The following TMCC3 variants were observed in gnomAD, a reference collection of about 807,000 sequenced individuals.
TMCC3 encodes transmembrane and coiled-coil domain protein 3.
TMCC3 carries 28 observed loss-of-function variants against 40.2 expected under a neutral mutation model. That is an observed-to-expected ratio of 0.70 (90% CI 0.52 to 0.95). The LOEUF (loss-of-function observed/expected upper bound fraction) is 0.95. Among genes scored for constraint, TMCC3 ranks in the 40% least tolerant of loss-of-function variants. The probability of loss-of-function intolerance (pLI) is 0.00; values close to 1 mark genes in which losing one functional copy is unlikely to be tolerated. For synonymous variants in TMCC3, 255 were observed against 248.5 expected (o/e 1.03, Z -0.25); for missense variants, 554 against 615.2 (o/e 0.90, Z 1.05).
intron 1 of TMCC3, among the ~76,000 whole-genome samples, chr12:94,641,186 C>A (rs181039328): frequency 1.1e-3 from 163 of 147,618 alleles, no homozygotes; most frequent in African/African-American, 3.8e-3. Context: ...GGTGACAGAC[C>A]CAGACCCTGT....
At chr12:94,620,722 A>G (rs1187058174) in intron 1 of TMCC3, among the ~76,000 whole-genome samples, 4 of 152,228 alleles carry the variant, frequency 2.6e-5, no homozygotes, top group Admixed American at 2.6e-4. Flanking sequence ...ACGAACTAGA[A>G]AAACTAGGCA....
intron 1 of TMCC3, among the ~76,000 whole-genome samples, chr12:94,588,855 ACT>A (rs2068654210): frequency 6.9e-6 from 1 of 144,966 alleles, no homozygotes; most frequent in Non-Finnish European, 1.5e-5. Flanking sequence ...AGACAGTCTC[ACT>A]CTGTCACCCA....
chr12:94,607,225 T>C (rs1279543559), intron 1 of TMCC3, among the ~76,000 whole-genome samples: 2 of 152,254 alleles, frequency 1.3e-5, no homozygotes, highest in Non-Finnish European at 2.9e-5. Context: ...TCTTCCCTTA[T>C]TCCCTGAAAA....
chr12:94,618,003 CAA>C (rs1215004703), intron 1 of TMCC3, among the ~76,000 whole-genome samples: 1 of 152,132 alleles, frequency 6.6e-6, no homozygotes, highest in Admixed American at 6.5e-5. Context: ...TGCCTTAAAC[CAA>C]ATGTTAAGTC....
chr12:94,617,109 AC>A (rs1347599235), intron 1 of TMCC3, among the ~76,000 whole-genome samples: 10 of 151,884 alleles, frequency 6.6e-5, no homozygotes, highest in Non-Finnish European at 1.5e-4. Flanking sequence ...GTCAAGGAAA[AC>A]CCCACTTCTG....
chr12:94,627,253 C>T, intron 1 of TMCC3, among the ~76,000 whole-genome samples: 1 of 152,104 alleles, frequency 6.6e-6, no homozygotes, highest in Non-Finnish European at 1.5e-5. Flanking sequence ...AGGCCTGTTG[C>T]CCCCAAAGCC....
In TMCC3 at chr12:94,578,643, G is replaced by T. The variant is rs906639919; in HGVS notation, c.996-114C>A. On this transcript the variant is annotated intron_variant, in intron 2 of 3. Coordinates refer to ENST00000261226, the MANE Select transcript of TMCC3 (RefSeq NM_020698.4). ...TTGGCTTGCTCTCATTCCCTGATGG[G>T]CTGTTTTTCTAAAAGAGTAAGGCTA... is the stretch of plus-strand genomic sequence containing the variant. 5 of 1,182,692 alleles carry T rather than the reference G, an allele frequency of 4.2e-6. No individual in the cohort carries two copies. In the African/African-American group the frequency reaches 4.6e-5, roughly 11 times the overall value. 73.3% of individuals were successfully genotyped at this position (1,182,692 alleles called of 1,614,324 possible).
intron 1 of TMCC3, chr12:94,644,501 C>A: frequency 1.1e-6 from 1 of 925,828 alleles, no homozygotes; most frequent in Non-Finnish European, 1.3e-6. Flanking sequence ...ATGTGACAGG[C>A]GGGTGAGCTG....
intron 1 of TMCC3, among the ~76,000 whole-genome samples, chr12:94,615,480 A>T (rs1425328601): frequency 6.6e-6 from 1 of 152,252 alleles, no homozygotes; most frequent in Non-Finnish European, 1.5e-5. Context: ...AGGCAAAGGC[A>T]GGATGACTCA....
chr12:94,583,124 T>C (rs2068616862), intron 1 of TMCC3, among the ~76,000 whole-genome samples: 1 of 147,004 alleles, frequency 6.8e-6, no homozygotes, highest in African/African-American at 2.5e-5. Context: ...TTAACTTTAA[T>C]AATTGGGTAA....
intron 1 of TMCC3, among the ~76,000 whole-genome samples, chr12:94,595,416 T>G (rs2068709865): frequency 6.6e-6 from 1 of 152,114 alleles, no homozygotes; most frequent in Non-Finnish European, 1.5e-5. Flanking sequence ...CACATAATGG[T>G]CACAACTTGG....
intron 1 of TMCC3, among the ~76,000 whole-genome samples, chr12:94,617,164 G>C (rs1190343895): frequency 6.6e-6 from 1 of 152,204 alleles, no homozygotes; most frequent in African/African-American, 2.4e-5. Context: ...AGATAGGCAA[G>C]AGGAATTTTC....
intron 1 of TMCC3, among the ~76,000 whole-genome samples, chr12:94,592,531 C>T (rs528104201): frequency 2.1e-3 from 312 of 150,442 alleles, no homozygotes; most frequent in Non-Finnish European, 2.8e-3. Context: ...GTAATCCCAG[C>T]TACTCAGGAG....
intron 1 of TMCC3, among the ~76,000 whole-genome samples, chr12:94,609,326 A>C (rs2068801668): frequency 6.6e-6 from 1 of 152,198 alleles, no homozygotes; most frequent in South Asian, 2.1e-4. Flanking sequence ...GGTGTGATTC[A>C]ACAGCCTGTG....
intron 1 of TMCC3, among the ~76,000 whole-genome samples, chr12:94,598,059 A>C (rs1004160813): frequency 6.6e-6 from 1 of 152,216 alleles, no homozygotes; most frequent in African/African-American, 2.4e-5. Flanking sequence ...AGAAAAGAGA[A>C]GCCACCAGTT....
intron 1 of TMCC3, among the ~76,000 whole-genome samples, chr12:94,608,000 C>T (rs897629508): frequency 6.6e-6 from 1 of 152,174 alleles, no homozygotes; most frequent in Non-Finnish European, 1.5e-5. Flanking sequence ...TGTAAATATA[C>T]CATAAGTACC....
chr12:94,640,758 CA>C (rs1211511232), intron 1 of TMCC3, among the ~76,000 whole-genome samples: 2 of 152,190 alleles, frequency 1.3e-5, no homozygotes, highest in Non-Finnish European at 2.9e-5. Context: ...TGGCTGCTCA[CA>C]AAGCCGCTAA....
At position 94,571,488 on chromosome 12, in the gene TMCC3, T is replaced by G. The variant is rs2068527540; in HGVS notation, c.1381A>C (p.Lys461Gln). The G allele has an allele frequency of 1.2e-6, 2 of 1,613,998 alleles. No homozygotes were observed. Among genetic ancestry groups the G allele is most frequent in the African/African-American group, 2.7e-5 (2 of 75,034 alleles). ...FAVTLLAIFC[K>Q]NWDHILCAIE... ...GCACACAGGATATGGTCCCAGTTTT[T>G]ACAAAATATAGCAAGAAGAGTCACG... The change falls in exon 4 of 4, where the codon AAA becomes CAA. Residue 461 changes from lysine to glutamine, a missense_variant. Coordinates refer to ENST00000261226, the MANE Select transcript of TMCC3 (RefSeq NM_020698.4).
intron 3 of TMCC3, among the ~76,000 whole-genome samples, chr12:94,573,869 G>A (rs576348834): frequency 7.9e-5 from 12 of 152,124 alleles, no homozygotes; most frequent in East Asian, 1.9e-4. Flanking sequence ...TTTAGGTCTC[G>A]CCTTGATTGC....
Sources: gnomAD v4.1 joint callset for allele counts (sites outside exome capture counted in the v4.1 genomes callset) on GRCh38, gnomAD v4.1.1 for gene constraint, MANE v1.5 for transcripts, NCBI Gene and HGNC (gene_info 2026-07-23, HGNC 2026-07-21) for gene names.